The following OR9Q1 variants were observed in gnomAD, a reference collection of about 807,000 sequenced individuals.
The protein encoded by OR9Q1 is olfactory receptor family 9 subfamily Q member 1, also known as olfactory receptor 9Q1.
For missense variants in OR9Q1, 374 were observed against 378.8 expected (o/e 0.99, Z 0.11); for synonymous variants, 153 against 148.6 (o/e 1.03, Z -0.22).
chr11:58,033,628 A>G (rs181407568), intron 1 of OR9Q1, among the ~76,000 whole-genome samples: 191 of 152,262 alleles, frequency 1.3e-3, no homozygotes, highest in Non-Finnish European at 2.4e-3. Flanking sequence ...GGAGGGGGCA[A>G]TGGCTGAAAA....
intron 1 of OR9Q1, among the ~76,000 whole-genome samples, chr11:58,036,106 T>C (rs948840071): frequency 6.6e-6 from 1 of 152,208 alleles, no homozygotes; most frequent in African/African-American, 2.4e-5. Flanking sequence ...TGTGTCATAA[T>C]GATCTATGAG....
intron 2 of OR9Q1, among the ~76,000 whole-genome samples, chr11:58,095,490 T>C (rs1483960064): frequency 6.6e-6 from 1 of 152,126 alleles, no homozygotes; most frequent in Non-Finnish European, 1.5e-5. Flanking sequence ...AGGAAAGAGG[T>C]TTAATTGACT....
intron 2 of OR9Q1, among the ~76,000 whole-genome samples, chr11:58,155,843 GATA>G (rs1041545950): frequency 6.6e-6 from 1 of 151,862 alleles, no homozygotes; most frequent in Non-Finnish European, 1.5e-5. Context: ...ATTAAAGCAG[GATA>G]ATATTTTTTA....
intron 1 of OR9Q1, among the ~76,000 whole-genome samples, chr11:58,027,615 C>T (rs926759068): frequency 6.6e-6 from 1 of 152,140 alleles, no homozygotes; most frequent in African/African-American, 2.4e-5. Flanking sequence ...TCGTTTTCTT[C>T]AGGGATCTAG....
At chr11:58,106,159 CT>C (rs34637003) in intron 2 of OR9Q1, among the ~76,000 whole-genome samples, 11,521 of 144,370 alleles carry the variant, frequency 0.08, 525 homozygotes, top group South Asian at 0.1. Context: ...CATTTGCTAT[CT>C]TTTTTTTTTT....
chr11:58,113,190 C>G (rs1565079214), intron 2 of OR9Q1, among the ~76,000 whole-genome samples: 1 of 152,138 alleles, frequency 6.6e-6, no homozygotes, highest in Admixed American at 6.5e-5. Flanking sequence ...AAGCAGGGCT[C>G]TACTGTTAAA....
At chr11:58,107,156 A>C (rs568854241) in intron 2 of OR9Q1, among the ~76,000 whole-genome samples, 2 of 151,858 alleles carry the variant, frequency 1.3e-5, no homozygotes, top group Admixed American at 1.3e-4. Flanking sequence ...GTACATGTGC[A>C]GAATGTGCAG....
chr11:58,156,509 C>T (rs1434313604), intron 2 of OR9Q1, among the ~76,000 whole-genome samples: 1 of 152,160 alleles, frequency 6.6e-6, no homozygotes, highest in Non-Finnish European at 1.5e-5. Context: ...TATCTTTTCT[C>T]TAATTCAGAA....
chr11:58,174,190 C>T (rs949007459), intron 2 of OR9Q1, among the ~76,000 whole-genome samples: 3 of 152,072 alleles, frequency 2.0e-5, no homozygotes, highest in Non-Finnish European at 2.9e-5. Flanking sequence ...TGAGTAGACC[C>T]GATGCAAGCA....
At chr11:58,077,047 A>T (rs1853544388) in intron 2 of OR9Q1, among the ~76,000 whole-genome samples, 1 of 152,174 alleles carries the variant, frequency 6.6e-6, no homozygotes, top group Non-Finnish European at 1.5e-5. Context: ...TTAGGTAAGG[A>T]TGTTTGGACT....
chr11:58,111,724 G>A (rs1157538576), intron 2 of OR9Q1, among the ~76,000 whole-genome samples: 1 of 152,090 alleles, frequency 6.6e-6, no homozygotes, highest in Non-Finnish European at 1.5e-5. Context: ...TGACACAATG[G>A]CATCTCTTCT....
At chr11:58,078,512 C>G (rs553572562) in intron 2 of OR9Q1, 8 of 152,264 alleles carry the variant, frequency 5.3e-5, no homozygotes, top group African/African-American at 1.9e-4. Flanking sequence ...GGCCAGGAAG[C>G]AACTGAGAAA....
At chr11:58,091,416 A>C in intron 2 of OR9Q1, among the ~76,000 whole-genome samples, 1 of 152,306 alleles carries the variant, frequency 6.6e-6, no homozygotes, top group East Asian at 1.9e-4. Flanking sequence ...GTAGTCATTC[A>C]GGAGCAGGTT....
chr11:58,178,509 G>T (rs978528046), intron 2 of OR9Q1, among the ~76,000 whole-genome samples: 4 of 152,174 alleles, frequency 2.6e-5, no homozygotes, highest in Admixed American at 2.6e-4. Flanking sequence ...AGAATAATTA[G>T]TTCCACGGAT....
intron 2 of OR9Q1, among the ~76,000 whole-genome samples, chr11:58,100,613 A>G (rs905674417): frequency 6.6e-6 from 1 of 152,000 alleles, no homozygotes; most frequent in East Asian, 1.9e-4. Context: ...TTATATTTAT[A>G]TTTATTTTCT....
intron 2 of OR9Q1, among the ~76,000 whole-genome samples, chr11:58,102,176 A>C (rs925889598): frequency 6.6e-6 from 1 of 152,158 alleles, no homozygotes; most frequent in Non-Finnish European, 1.5e-5. Flanking sequence ...ATTCATTTAC[A>C]TTCAAGCTTA....
At chr11:58,129,244 T>G (rs1038833887) in intron 2 of OR9Q1, among the ~76,000 whole-genome samples, 2 of 140,286 alleles carry the variant, frequency 1.4e-5, no homozygotes, top group African/African-American at 6.1e-5. Context: ...TTCGTGTGTG[T>G]GTGTGTGTGT....
At chr11:58,084,343 G>A (rs148955903) in intron 2 of OR9Q1, among the ~76,000 whole-genome samples, 3 of 151,866 alleles carry the variant, frequency 2.0e-5, no homozygotes, top group Non-Finnish European at 4.4e-5. Flanking sequence ...AGTCCTATTA[G>A]CATTTGTACA....
chr11:58,094,245 A>G (rs1853710613), intron 2 of OR9Q1, among the ~76,000 whole-genome samples: 1 of 152,206 alleles, frequency 6.6e-6, no homozygotes, highest in South Asian at 2.1e-4. Flanking sequence ...AATAATGTGT[A>G]CACATAGACA....
Sources: allele counts gnomAD v4.1 joint callset (sites outside exome capture counted in the v4.1 genomes callset), GRCh38; gene constraint gnomAD v4.1.1; transcripts MANE v1.5; gene names NCBI Gene and HGNC (gene_info 2026-07-23, HGNC 2026-07-21).